The following MMP26 variants were observed in gnomAD, a reference collection of about 807,000 sequenced individuals.
MMP26 encodes the protein matrix metallopeptidase 26, also known as matrix metalloproteinase-26.
Under a neutral mutation model 31.0 loss-of-function variants are expected in MMP26, and 33 were observed. That is an observed-to-expected ratio of 1.06 (90% CI 0.81 to 1.42). MMP26 has a LOEUF of 1.42. Among genes scored for constraint, MMP26 ranks in the 40% most tolerant of loss-of-function variants. The pLI is 0.00. For synonymous variants in MMP26, 122 were observed against 114.9 expected (o/e 1.06, Z -0.40); for missense variants, 347 against 316.1 (o/e 1.10, Z -0.74).
chr11:4,949,238 C>T (rs961799896), intron 2 of MMP26, among the ~76,000 whole-genome samples: 1 of 121,822 alleles, frequency 8.2e-6, no homozygotes, highest in African/African-American at 2.8e-5. Context: ...GCTACGTTTG[C>T]TATGAAATAA....
chr11:4,781,553 C>CAAAAAAAAAAA (rs780005906), intron 2 of MMP26, among the ~76,000 whole-genome samples: 1 of 15,192 alleles, frequency 6.6e-5, no homozygotes, highest in Non-Finnish European at 9.4e-5. Flanking sequence ...GACTCCGTCT[C>CAAAAAAAAAAA]AAAAAAAAAA....
intron 2 of MMP26, among the ~76,000 whole-genome samples, chr11:4,942,323 G>A (rs1423760762): frequency 6.6e-6 from 1 of 151,770 alleles, no homozygotes; most frequent in Non-Finnish European, 1.5e-5. Flanking sequence ...ATTCTCTTCA[G>A]GAGTTCTTGG....
At chr11:4,799,129 G>A (rs1849147604) in intron 2 of MMP26, among the ~76,000 whole-genome samples, 1 of 152,150 alleles carries the variant, frequency 6.6e-6, no homozygotes, top group Non-Finnish European at 1.5e-5. Context: ...GATAGCTTCT[G>A]TAAATGTTTA....
intron 2 of MMP26, among the ~76,000 whole-genome samples, chr11:4,855,541 G>C (rs192659436): frequency 6.6e-6 from 1 of 152,258 alleles, no homozygotes; most frequent in Non-Finnish European, 1.5e-5. Flanking sequence ...AAAAAGAAAA[G>C]AACAAAGCCT....
At chr11:4,766,701 C>CTCCCTCCCTCCCTCCT (rs1848633852) in intron 1 of MMP26, among the ~76,000 whole-genome samples, 1 of 115,202 alleles carries the variant, frequency 8.7e-6, no homozygotes, top group African/African-American at 3.7e-5. Context: ...CTTTCCCTCC[C>CTCCCTCCCTCCCTCCT]TCCCTCCCTC....
At chr11:4,879,774 G>A (rs1419099613) in intron 2 of MMP26, among the ~76,000 whole-genome samples, 1 of 152,136 alleles carries the variant, frequency 6.6e-6, no homozygotes, top group Non-Finnish European at 1.5e-5. Context: ...GTTCTTAGGA[G>A]GAGTTCCTGT....
chr11:4,810,074 A>G (rs1203794083), intron 2 of MMP26, among the ~76,000 whole-genome samples: 1 of 152,208 alleles, frequency 6.6e-6, no homozygotes, highest in Non-Finnish European at 1.5e-5. Context: ...TCACATGCAC[A>G]CTGGCTTCCT....
intron 2 of MMP26, among the ~76,000 whole-genome samples, chr11:4,982,794 T>C (rs905319257): frequency 6.6e-6 from 1 of 152,200 alleles, no homozygotes; most frequent in Admixed American, 6.5e-5. Flanking sequence ...GAAAGAGGTT[T>C]GCTCAGGCAA....
chr11:4,723,896 C>T, intron 1 of MMP26: 1 of 1,099,184 alleles, frequency 9.1e-7, no homozygotes, highest in Non-Finnish European at 1.4e-6. Flanking sequence ...TTGATCTGCT[C>T]CTTCTCCTGG....
At chr11:4,793,302 A>C (rs1849057238) in intron 2 of MMP26, among the ~76,000 whole-genome samples, 1 of 152,206 alleles carries the variant, frequency 6.6e-6, no homozygotes, top group South Asian at 2.1e-4. Context: ...CTTGAGGAAC[A>C]CAGAAGCAAC....
At position 4,929,383 on chromosome 11, in the gene MMP26, A is replaced by T. The variant is rs562464490; in HGVS notation, c.-144-58685A>T. ...GATAATGAATTCAAACCTTGTACAA[A>T]ATGTTTGTCAGCAGGTACTATCACT... On this transcript the variant is annotated intron_variant, in intron 2 of 7. Transcript: ENST00000380390. Among the ~76,000 whole-genome samples the T allele has an allele frequency of 9.2e-5, 14 of 152,236 alleles. No homozygotes were observed. In the South Asian group the frequency reaches 2.9e-3, roughly 32 times the overall value.
At chr11:4,897,342 G>A (rs760436616) in intron 2 of MMP26, among the ~76,000 whole-genome samples, 4 of 152,136 alleles carry the variant, frequency 2.6e-5, no homozygotes, top group Non-Finnish European at 4.4e-5. Context: ...GTTTCACCAT[G>A]TTGGCCAGGA....
intron 2 of MMP26, among the ~76,000 whole-genome samples, chr11:4,820,974 T>C (rs866276681): frequency 2.5e-4 from 38 of 152,178 alleles, no homozygotes; most frequent in African/African-American, 8.2e-4. Flanking sequence ...CTGGATATTT[T>C]CCAAGGAAAT....
intron 2 of MMP26, chr11:4,946,583 T>C: frequency 6.3e-7 from 1 of 1,578,432 alleles, no homozygotes; most frequent in South Asian, 1.1e-5. Context: ...TAATTGGTTT[T>C]TCTTGCAATA....
intron 1 of MMP26, among the ~76,000 whole-genome samples, chr11:4,717,017 C>T (rs888369809): frequency 1.3e-5 from 2 of 152,136 alleles, no homozygotes; most frequent in African/African-American, 2.4e-5. Flanking sequence ...ACTTTAGTGG[C>T]ATTTCTAAAA....
intron 2 of MMP26, among the ~76,000 whole-genome samples, chr11:4,799,075 G>T (rs144973679): frequency 0.019 from 2,940 of 152,206 alleles, 51 homozygotes; most frequent in South Asian, 0.07. Context: ...GTCTCTGCCC[G>T]CCTACAAATG....
intron 2 of MMP26, chr11:4,907,274 C>G: frequency 1.3e-6 from 1 of 745,710 alleles, no homozygotes; most frequent in South Asian, 1.7e-5. Context: ...ACGAATGAAC[C>G]CCTTATCCTC....
At chr11:4,777,654 C>G (rs766071175) in intron 2 of MMP26, among the ~76,000 whole-genome samples, 7 of 152,124 alleles carry the variant, frequency 4.6e-5, no homozygotes, top group Non-Finnish European at 8.8e-5. Flanking sequence ...TCACTCTCCT[C>G]ACTTCTATCC....
intron 2 of MMP26, among the ~76,000 whole-genome samples, chr11:4,967,173 T>G (rs986053438): frequency 3.3e-5 from 5 of 152,152 alleles, no homozygotes; most frequent in Admixed American, 2.6e-4. Flanking sequence ...AAATATTAAT[T>G]GGGAGAGTTG....
Sources: gnomAD v4.1 joint callset for allele counts (sites outside exome capture counted in the v4.1 genomes callset) on GRCh38, gnomAD v4.1.1 for gene constraint, MANE v1.5 for transcripts, NCBI Gene and HGNC (gene_info 2026-07-23, HGNC 2026-07-21) for gene names.